TXNRD2: variants seen among roughly 807,000 people sequenced by gnomAD.
TXNRD2 encodes the protein thioredoxin reductase 2, mitochondrial.
A neutral mutation model predicts 70.8 loss-of-function variants in TXNRD2; 67 were observed. The observed-to-expected ratio is 0.95, with a 90% confidence interval of 0.78 to 1.16. The LOEUF is 1.16. TXNRD2 is among the 50% of genes most tolerant of loss of function. TXNRD2 has a pLI of 0.00. For missense variants in TXNRD2, 644 were observed against 719.9 expected, an observed-to-expected ratio of 0.89 and a Z score of 1.21; for synonymous variants, 301 against 295.8, an observed-to-expected ratio of 1.02 and a Z score of -0.18.
At chr22:19,882,008 T>G (rs1173952035) in intron 12 of TXNRD2, among the ~76,000 whole-genome samples, 1 of 152,148 alleles carries the variant, frequency 6.6e-6, no homozygotes, top group Non-Finnish European at 1.5e-5. Flanking sequence ...AGGATGGAAA[T>G]GAAGTCATCC....
intron 11 of TXNRD2, chr22:19,894,916 A>C: frequency 8.7e-7 from 1 of 1,146,112 alleles, no homozygotes; most frequent in Non-Finnish European, 1.2e-6. Flanking sequence ...TGAACCCGGG[A>C]GGCGGAGGTT....
chr22:19,876,867 G>T (rs1938530009), intron 17 of TXNRD2, 173 bp downstream of exon 17: 3 of 451,538 alleles, frequency 6.6e-6, no homozygotes, highest in Non-Finnish European at 1.1e-5. Context: ...TGGGCCCCTG[G>T]GAACTTCCCC....
At chr22:19,897,175 T>G (rs1381765687) in intron 10 of TXNRD2, among the ~76,000 whole-genome samples, 1 of 152,096 alleles carries the variant, frequency 6.6e-6, no homozygotes, top group Non-Finnish European at 1.5e-5. Context: ...GAACAACACA[T>G]GGCCACACGG....
intron 12 of TXNRD2, chr22:19,880,941 C>A (rs564999581): frequency 5.2e-5 from 31 of 596,584 alleles, no homozygotes; most frequent in African/African-American, 5.2e-4. Context: ...GCCCTCCACT[C>A]TGCCCTGGGA....
intron 8 of TXNRD2, among the ~76,000 whole-genome samples, chr22:19,901,723 A>G (rs1410871534): frequency 1.3e-5 from 2 of 152,194 alleles, no homozygotes; most frequent in Non-Finnish European, 2.9e-5. Flanking sequence ...AGGGACCTAC[A>G]GACACCTTCT....
rs45536341 is a variant in TXNRD2 at position 19,941,682 on chromosome 22, C to T, written c.103+19G>A. 786 of 1,465,462 alleles carry T rather than the reference C, an allele frequency of 5.4e-4. 2 individuals carry two copies. The African/African-American group carries it at 0.011, about 20-fold the overall frequency. 90.8% of individuals were successfully genotyped at this position (1,465,462 alleles called of 1,614,324 possible). ...GCCGCGCGGACACCTACCGCGGGGA[C>T]GCCCCGACCCCATCCTACCTGCTGC... On this transcript the variant is annotated intron_variant, in intron 1 of 17. Coordinates refer to ENST00000400521, the MANE Select transcript of TXNRD2 (RefSeq NM_006440.5).
In TXNRD2 at chr22:19,931,227, G is replaced by C. The variant is rs958268991; in HGVS notation, c.104-129C>G. On this transcript the variant is annotated intron_variant, in intron 1 of 17. Transcript: ENST00000400521. ...TGACAAGACACCACACAACAGAGCA[G>C]AAAGAGTGACTCGATACACATAGTC... 9 of 826,644 alleles carry C rather than the reference G, an allele frequency of 1.1e-5. No homozygotes were observed. In the African/African-American group the frequency reaches 1.3e-4, roughly 12 times the overall value. 51.2% of individuals were successfully genotyped at this position (826,644 alleles called of 1,614,324 possible).
chr22:19,900,303 A>G (rs1939713908), intron 8 of TXNRD2, among the ~76,000 whole-genome samples: 2 of 152,186 alleles, frequency 1.3e-5, no homozygotes, highest in African/African-American at 4.8e-5. Context: ...AACACTTGGG[A>G]AACAGGCACC....
rs560873548 is a variant in TXNRD2, at chr22:19,883,680, G to A, written c.950-219C>T. The A allele has an allele frequency of 3.4e-3, 2,101 of 614,500 alleles. 27 individuals carry two copies. The highest frequency in any genetic ancestry group is 0.028 in the Middle Eastern group (61 of 2,206). The allele number at this position is 614,500 out of a possible 1,614,324, so 38.1% of individuals were successfully genotyped here. The stretch of plus-strand genomic sequence containing the variant: ...TGATGAAACCCTGTCTCAGCCAGGC[G>A]TGATGGCTCATGCCTATAATCCCAA... On this transcript the variant is annotated intron_variant, in intron 11 of 17. Coordinates refer to ENST00000400521, the MANE Select transcript of TXNRD2 (RefSeq NM_006440.5).
Position 19,940,676 on chromosome 22 carries a change from T to C in TXNRD2, c.103+1025A>G, listed in dbSNP as rs9332315. ...CTCCTTTTGATGCCGAATCCCCTTT[T>C]ATGGGACTCCGCCAGCACGGGTGCA... On this transcript the variant is annotated intron_variant, in intron 1 of 17. Coordinates refer to ENST00000400521, the MANE Select transcript of TXNRD2 (RefSeq NM_006440.5). Among the ~76,000 whole-genome samples, 175 of 152,282 alleles carry C rather than the reference T, an allele frequency of 1.1e-3. 3 individuals carry two copies. The East Asian group carries it at 0.032, about 28-fold the overall frequency.
chr22:19,940,343 G>C (rs1941667800), intron 1 of TXNRD2, among the ~76,000 whole-genome samples: 1 of 151,752 alleles, frequency 6.6e-6, no homozygotes, highest in Non-Finnish European at 1.5e-5. Flanking sequence ...TGCTCCTCTG[G>C]CGGAAAGGAA....
At position 19,880,051 on chromosome 22, in the gene TXNRD2, C is replaced by T. The variant is rs1484453339; in HGVS notation, c.1275+128G>A. The T allele has an allele frequency of 1.2e-5, 12 of 988,838 alleles. No homozygotes were observed. The Admixed American group carries it at 1.8e-4, about 14-fold the overall frequency. 61.3% of individuals were successfully genotyped at this position (988,838 alleles called of 1,614,324 possible). ...CCCCAACGTGTCCCTTCCCGCTACA[C>T]ACAGCCACTGCTCAGGGCCCCTGGA... is the stretch of plus-strand genomic sequence containing the variant. On this transcript the variant is annotated intron_variant, in intron 14 of 17. Coordinates refer to ENST00000400521, the MANE Select transcript of TXNRD2 (RefSeq NM_006440.5).
At chr22:19,894,390 A>G (rs916680015) in intron 11 of TXNRD2, 4 of 152,624 alleles carry the variant, frequency 2.6e-5, no homozygotes, top group Non-Finnish European at 5.9e-5. Context: ...TAAAATGCTT[A>G]AGATGATGAA....
At chr22:19,897,393 T>C (rs993646410) in intron 10 of TXNRD2, among the ~76,000 whole-genome samples, 1 of 152,180 alleles carries the variant, frequency 6.6e-6, no homozygotes. Context: ...ATCTCCACAA[T>C]GACAACTCCA....
rs200076623 is a variant in TXNRD2 at position 19,918,931 on chromosome 22, T to C, written c.303A>G (p.Ala101=). Reference sequence around the variant, plus strand: ...CATCTTGGATCAGGCCTCCCAGCAGTGCCGCCTGGTGCATCAGCTTCTTGG... The same window carrying C: ...CATCTTGGATCAGGCCTCCCAGCAGCGCCGCCTGGTGCATCAGCTTCTTGG... The part of the protein sequence containing the change: ...CIPKKLMHQA[A]LLGGLIQDAP... Residue 101 remains alanine (A), a synonymous_variant, in exon 4 of 18, where the codon GCA becomes GCG. Transcript: ENST00000400521. 1,406 of 1,612,990 alleles carry C rather than the reference T, an allele frequency of 8.7e-4. 4 individuals carry two copies. Among genetic ancestry groups the C allele is most frequent in the Non-Finnish European group, 1.1e-3 (1,310 of 1,179,946 alleles).
Position 19,880,070 on chromosome 22 carries a change from C to T in TXNRD2, c.1275+109G>A, listed in dbSNP as rs1007618729. The T allele has an allele frequency of 1.2e-5, 14 of 1,149,050 alleles. No individual in the cohort carries two copies. The African/African-American group carries it at 2.1e-4, about 18-fold the overall frequency. The allele number at this position is 1,149,050 out of a possible 1,614,324, so 71.2% of individuals were successfully genotyped here. ...GCTACACACAGCCACTGCTCAGGGC[C>T]CCTGGAAAGGAGAGACCTTGGCACC... On this transcript the variant is annotated intron_variant, in intron 14 of 17. Transcript: ENST00000400521.
intron 2 of TXNRD2, among the ~76,000 whole-genome samples, chr22:19,927,088 G>A (rs1313146536): frequency 1.3e-5 from 2 of 152,036 alleles, no homozygotes; most frequent in African/African-American, 4.8e-5. Context: ...GAGGTCAGGA[G>A]TTCGAGACCA....
At position 19,883,467 on chromosome 22, in the gene TXNRD2, G is replaced by A. The variant is rs1165620929; in HGVS notation, c.950-6C>T. ...TCTGGTGTCTGGGACTCGACCTGAA[G>A]GAAACAGAGAGGGGGCTGAAAGGTT... On this transcript the variant is annotated splice_region_variant and splice_polypyrimidine_tract_variant and intron_variant, in intron 11 of 17. Coordinates refer to ENST00000400521, the MANE Select transcript of TXNRD2 (RefSeq NM_006440.5). The A allele has an allele frequency of 2.5e-6, 4 of 1,614,036 alleles. No individual in the cohort carries two copies. The highest frequency in any genetic ancestry group is 3.3e-5 in the Admixed American group (2 of 60,030).
In TXNRD2 at chr22:19,880,668, A is replaced by G; in HGVS notation, c.1136T>C (p.Val379Ala). The G allele has an allele frequency of 1.2e-6, 2 of 1,613,350 alleles. No homozygotes were observed. The highest frequency in any genetic ancestry group is 2.2e-5 in the South Asian group (2 of 91,080). ...TGAGGACCCGCCGAAGAGCCGCTGC[A>G]CCAGGAGCCTCCCGGCCATGATCGC... ...PIAIMAGRLL[V>A]QRLFGGSSDL... The change falls in exon 13 of 18, where the codon GTG becomes GCG. Residue 379 changes from valine (V) to alanine (A), a missense_variant. Val to Ala is a moderately conservative substitution (Grantham distance 64). Around this residue, in one of 3 missense-constraint regions of TXNRD2, gnomAD observed 566 missense variants for 645.0 expected, o/e 0.88. Coordinates refer to ENST00000400521, the MANE Select transcript of TXNRD2 (RefSeq NM_006440.5).
Sources: gnomAD v4.1 joint callset for allele counts (sites outside exome capture counted in the v4.1 genomes callset) on GRCh38, gnomAD v4.1.1 for gene constraint, gnomAD v4.1.1 regional missense constraint, MANE v1.5 for transcripts, NCBI Gene and HGNC (gene_info 2026-07-23, HGNC 2026-07-21) for gene names.